AMPH: variants seen among roughly 807,000 people sequenced by gnomAD.
The protein encoded by AMPH is amphiphysin, also known as amphiphysin (Stiff-Mann syndrome with breast cancer 128kD autoantigen).
A neutral mutation model predicts 99.1 loss-of-function variants in AMPH; 49 were observed. The ratio of observed to expected loss-of-function variants is 0.49; its 90% CI spans 0.39 to 0.63. AMPH has a LOEUF of 0.63. AMPH is among the 20% of genes least tolerant of loss of function. The probability of loss-of-function intolerance (pLI) is 0.00; values close to 1 mark genes in which losing one functional copy is unlikely to be tolerated. For synonymous variants in AMPH, 314 were observed against 317.3 expected (o/e 0.99, Z 0.11); for missense variants, 759 against 863.4 (o/e 0.88, Z 1.52).
At chr7:38,436,247 C>A in intron 12 of AMPH, 25 bp downstream of exon 12, 2 of 1,563,516 alleles carry the variant, frequency 1.3e-6, no homozygotes, top group Non-Finnish European at 8.8e-7. Flanking sequence ...GAAATATCTC[C>A]AAACATCCAA....
intron 1 of AMPH, among the ~76,000 whole-genome samples, chr7:38,614,745 C>T (rs966761630): frequency 6.6e-6 from 1 of 152,122 alleles, no homozygotes; most frequent in South Asian, 2.1e-4. Flanking sequence ...ACTAAGGCCC[C>T]GAGGTAGAAG....
chr7:38,567,949 T>C (rs1273903859), intron 1 of AMPH, among the ~76,000 whole-genome samples: 1 of 152,134 alleles, frequency 6.6e-6, no homozygotes, highest in Non-Finnish European at 1.5e-5. Flanking sequence ...AATATTTATA[T>C]ATTCTATTAT....
At chr7:38,475,293 A>G (rs1788039550) in intron 7 of AMPH, 38 bp downstream of exon 7, 1 of 1,369,160 alleles carries the variant, frequency 7.3e-7, no homozygotes. Context: ...TTGAATTTCT[A>G]AAAGGAACAT....
intron 15 of AMPH, among the ~76,000 whole-genome samples, chr7:38,423,505 T>C (rs1785668745): frequency 6.6e-6 from 1 of 152,214 alleles, no homozygotes; most frequent in African/African-American, 2.4e-5. Flanking sequence ...TGCAGTTGCC[T>C]CTGTTACCTC....
chr7:38,495,365 C>G (rs1042962733), intron 3 of AMPH, among the ~76,000 whole-genome samples: 2 of 152,298 alleles, frequency 1.3e-5, no homozygotes, highest in Non-Finnish European at 1.5e-5. Flanking sequence ...TAATTATTTA[C>G]TTACTTACTC....
chr7:38,488,578 G>A (rs75191542), intron 5 of AMPH, among the ~76,000 whole-genome samples: 11,335 of 151,814 alleles, frequency 0.075, 610 homozygotes, highest in East Asian at 0.29. Context: ...CAGATGATGC[G>A]TTGATGGGTG....
In AMPH at chr7:38,556,985, C is replaced by T. The variant is rs148302791; in HGVS notation, c.70-21974G>A. Among the ~76,000 whole-genome samples, 401 of 152,190 alleles carry T rather than the reference C, an allele frequency of 2.6e-3. 5 individuals carry two copies. Among genetic ancestry groups the T allele is most frequent in the African/African-American group, 8.9e-3 (370 of 41,516 alleles). ...AAGAAAGAGAAGCATGAGCGTAGAACAATACTATGCTTCAGTTCATTGTCT... is the reference window on the plus strand; with the variant it reads ...AAGAAAGAGAAGCATGAGCGTAGAATAATACTATGCTTCAGTTCATTGTCT... On this transcript the variant is annotated intron_variant, in intron 1 of 20. Coordinates refer to ENST00000356264, the MANE Select transcript of AMPH (RefSeq NM_001635.4).
chr7:38,401,959 T>C (rs1784853384), intron 17 of AMPH, among the ~76,000 whole-genome samples: 1 of 152,168 alleles, frequency 6.6e-6, no homozygotes, highest in Non-Finnish European at 1.5e-5. Context: ...TCTTCACTCC[T>C]TGGTCCCTAA....
intron 17 of AMPH, among the ~76,000 whole-genome samples, chr7:38,395,768 C>T (rs1291676412): frequency 6.6e-6 from 1 of 152,160 alleles, no homozygotes; most frequent in Non-Finnish European, 1.5e-5. Context: ...AACTTTCAAA[C>T]TCAGAAAACA....
At chr7:38,546,877 ATTCTCCACCC>A (rs2129044691) in intron 1 of AMPH, among the ~76,000 whole-genome samples, 1 of 152,254 alleles carries the variant, frequency 6.6e-6, no homozygotes, top group East Asian at 1.9e-4. Flanking sequence ...CTCCAGATCC[ATTCTCCACCC>A]TTCTCCACAC....
intron 17 of AMPH, among the ~76,000 whole-genome samples, chr7:38,406,968 C>A (rs1785029580): frequency 7.0e-6 from 1 of 142,170 alleles, no homozygotes; most frequent in Non-Finnish European, 1.5e-5. Flanking sequence ...TGCAGATGGC[C>A]AATCGTGGGA....
intron 2 of AMPH, among the ~76,000 whole-genome samples, chr7:38,507,738 T>C (rs1461133021): frequency 6.6e-6 from 1 of 152,212 alleles, no homozygotes; most frequent in Non-Finnish European, 1.5e-5. Context: ...ATGCCTGTAT[T>C]TTCCCTTCTT....
rs371952613 is a variant in AMPH, at chr7:38,534,921, A to G, written c.150+10T>C. 3.1e-6 allele frequency: 5 copies of G among 1,611,336 alleles called. No individual in the cohort carries two copies. The African/African-American group carries it at 5.3e-5, about 17-fold the overall frequency. ...ATTTCCCACTCCAGAAACTAAACAA[A>G]TGGACTCACTTCTTGCCGTTTGAAG... On this transcript the variant is annotated intron_variant, in intron 2 of 20. Transcript: ENST00000356264.
chr7:38,610,301 GA>G (rs11317500), intron 1 of AMPH, among the ~76,000 whole-genome samples: 362 of 7,508 alleles, frequency 0.048, 24 homozygotes, highest in African/African-American at 0.11. Context: ...AGAAAGAAAA[GA>G]AAAGAAAAGA....
rs975707829 is a variant in AMPH at position 38,621,315 on chromosome 7, G to C, written c.69+9968C>G. Reference sequence around the variant, plus strand: ...AATAACTATGTACTTAGTAGTGTGTGCAAAAGTTTATCTCACTATCAACTC... The same window carrying C: ...AATAACTATGTACTTAGTAGTGTGTCCAAAAGTTTATCTCACTATCAACTC... On this transcript the variant is annotated intron_variant, in intron 1 of 20. Coordinates refer to ENST00000356264, the MANE Select transcript of AMPH (RefSeq NM_001635.4). 2.0e-5 allele frequency among the ~76,000 whole-genome samples: 3 copies of C among 152,260 alleles called. No individual in the cohort carries two copies. In the Middle Eastern group the frequency reaches 0.01, roughly 518 times the overall value.
intron 17 of AMPH, among the ~76,000 whole-genome samples, chr7:38,400,410 T>C (rs960979986): frequency 1.3e-5 from 2 of 152,178 alleles, no homozygotes; most frequent in Non-Finnish European, 2.9e-5. Context: ...GTCTCAATCA[T>C]CTCCTTAGTG....
chr7:38,430,104 C>A, intron 13 of AMPH: 1 of 515,930 alleles, frequency 1.9e-6, no homozygotes, highest in Non-Finnish European at 3.4e-6. Context: ...CTAGCATCAG[C>A]AAGGATGTTT....
At chr7:38,461,527 T>C in intron 10 of AMPH, 116 bp from the exon 11 acceptor site, 7 of 1,235,012 alleles carry the variant, frequency 5.7e-6, no homozygotes, top group South Asian at 1.3e-5. Context: ...AACTTGTATC[T>C]GCATATAGCA....
chr7:38,394,278 C>T (rs1347946948), intron 17 of AMPH, 64 bp from the exon 18 acceptor site: 3 of 1,550,732 alleles, frequency 1.9e-6, no homozygotes, highest in Non-Finnish European at 2.7e-6. Flanking sequence ...GAGTCAAACT[C>T]AAGCCTATTT....
Sources: gnomAD v4.1 joint callset for allele counts (sites outside exome capture counted in the v4.1 genomes callset) on GRCh38, gnomAD v4.1.1 for gene constraint, MANE v1.5 for transcripts, NCBI Gene and HGNC (gene_info 2026-07-23, HGNC 2026-07-21) for gene names.